The following LHFPL3 variants were observed in gnomAD, a reference collection of about 807,000 sequenced individuals.
LHFPL3 encodes the protein LHFPL tetraspan subfamily member 3.
In LHFPL3, 5 loss-of-function variants were observed where a neutral mutation model predicts 19.3. The ratio of observed to expected loss-of-function variants is 0.26; its 90% CI spans 0.14 to 0.54. The LOEUF (loss-of-function observed/expected upper bound fraction) is 0.54, where lower values mean the gene tolerates loss of function less well. LHFPL3 is among the 20% of genes least tolerant of loss of function. The pLI is 0.94. For missense variants in LHFPL3, 249 were observed against 307.4 expected, an observed-to-expected ratio of 0.81 and a Z score of 1.42; for synonymous variants, 133 against 126.2, an observed-to-expected ratio of 1.05 and a Z score of -0.36.
At chr7:104,389,112 A>C (rs546528818) in intron 1 of LHFPL3, among the ~76,000 whole-genome samples, 11 of 152,302 alleles carry the variant, frequency 7.2e-5, no homozygotes, top group Admixed American at 2.6e-4. Flanking sequence ...CCTTCCATAT[A>C]GAAAACCCTA....
intron 1 of LHFPL3, among the ~76,000 whole-genome samples, chr7:104,512,741 GAAAA>G (rs763632273): frequency 1.4e-5 from 2 of 143,046 alleles, no homozygotes; most frequent in Non-Finnish European, 3.1e-5. Flanking sequence ...CTTCTCAAAA[GAAAA>G]AAAAAAGAGA....
At chr7:104,650,605 C>T (rs996521147) in intron 1 of LHFPL3, among the ~76,000 whole-genome samples, 2 of 152,170 alleles carry the variant, frequency 1.3e-5, no homozygotes, top group East Asian at 3.8e-4. Context: ...TTTTATTACA[C>T]CTGAGTACTT....
At chr7:104,428,537 G>A (rs145934586) in intron 1 of LHFPL3, among the ~76,000 whole-genome samples, 2 of 152,168 alleles carry the variant, frequency 1.3e-5, no homozygotes, top group African/African-American at 2.4e-5. Context: ...TCTGCTTGAT[G>A]TTGAACCTAG....
rs1216933609 is a variant in LHFPL3, at chr7:104,861,277, GTTTGAGGCTTAGCTC to G, written c.683-44905_683-44891del. On this transcript the variant is annotated intron_variant, in intron 2 of 2. Coordinates refer to ENST00000424859, the MANE Select transcript of LHFPL3 (RefSeq NM_199000.3). Reference sequence around the variant, plus strand: ...GATAAAGGGCACAAGGCAGGTCTGGGTTTGAGGCTTAGCTCTTTGGCTTACAGTGTATATGACCTT... The same window carrying G: ...GATAAAGGGCACAAGGCAGGTCTGGGTTTGGCTTACAGTGTATATGACCTT... 8.5e-5 allele frequency among the ~76,000 whole-genome samples: 13 copies of G among 152,304 alleles called. No individual in the cohort carries two copies. The South Asian group carries it at 2.5e-3, about 29-fold the overall frequency.
intron 1 of LHFPL3, among the ~76,000 whole-genome samples, chr7:104,725,643 T>C (rs1295612987): frequency 1.3e-5 from 2 of 152,202 alleles, no homozygotes; most frequent in African/African-American, 4.8e-5. Flanking sequence ...TTAACAATCT[T>C]GTTATCACTA....
chr7:104,717,229 TATAAC>T (rs1793403772), intron 1 of LHFPL3, among the ~76,000 whole-genome samples: 1 of 152,078 alleles, frequency 6.6e-6, no homozygotes, highest in Non-Finnish European at 1.5e-5. Context: ...GGGAAAAACT[TATAAC>T]ATTAGTCTTG....
intron 1 of LHFPL3, among the ~76,000 whole-genome samples, chr7:104,428,708 T>C (rs892378893): frequency 1.3e-5 from 2 of 152,236 alleles, no homozygotes; most frequent in East Asian, 3.8e-4. Context: ...CTCTAGAAAC[T>C]ATTTTACTTT....
At chr7:104,838,887 C>T (rs868162160) in intron 2 of LHFPL3, among the ~76,000 whole-genome samples, 14 of 152,204 alleles carry the variant, frequency 9.2e-5, no homozygotes, top group African/African-American at 3.4e-4. Flanking sequence ...AATACCAGAA[C>T]TCATTTCATG....
intron 1 of LHFPL3, among the ~76,000 whole-genome samples, chr7:104,487,548 C>G (rs954568600): frequency 6.6e-6 from 1 of 152,196 alleles, no homozygotes; most frequent in African/African-American, 2.4e-5. Context: ...TGGGAGGAAG[C>G]TGGAGCACCC....
At chr7:104,487,000 G>T (rs2115677892) in intron 1 of LHFPL3, among the ~76,000 whole-genome samples, 1 of 151,938 alleles carries the variant, frequency 6.6e-6, no homozygotes, top group South Asian at 2.1e-4. Flanking sequence ...TTTTGGATAT[G>T]TTTCATTTCT....
At chr7:104,522,170 A>C (rs1162161811) in intron 1 of LHFPL3, among the ~76,000 whole-genome samples, 1 of 152,138 alleles carries the variant, frequency 6.6e-6, no homozygotes, top group Non-Finnish European at 1.5e-5. Context: ...GGATTAAGAA[A>C]ATGTGGCACA....
chr7:104,695,982 A>G (rs1176320940), intron 1 of LHFPL3, among the ~76,000 whole-genome samples: 1 of 151,984 alleles, frequency 6.6e-6, no homozygotes, highest in Non-Finnish European at 1.5e-5. Context: ...AAGGAGTCTC[A>G]CTCTGTTGCC....
intron 1 of LHFPL3, among the ~76,000 whole-genome samples, chr7:104,689,604 CT>C (rs1456669456): frequency 1.3e-5 from 2 of 152,166 alleles, no homozygotes; most frequent in African/African-American, 2.4e-5. Context: ...ACAATTTATA[CT>C]GTTAATCTTT....
intron 2 of LHFPL3, among the ~76,000 whole-genome samples, chr7:104,793,176 G>A (rs1790056600): frequency 6.6e-6 from 1 of 152,178 alleles, no homozygotes. Context: ...GATTACAGGC[G>A]TGAGCCACCG....
intron 1 of LHFPL3, among the ~76,000 whole-genome samples, chr7:104,483,995 A>G (rs1584351687): frequency 6.6e-6 from 1 of 152,240 alleles, no homozygotes; most frequent in Admixed American, 6.5e-5. Flanking sequence ...GTTGGTTTAC[A>G]TGGCAACTTT....
At chr7:104,471,783 T>G (rs1028214189) in intron 1 of LHFPL3, among the ~76,000 whole-genome samples, 1 of 152,256 alleles carries the variant, frequency 6.6e-6, no homozygotes. Flanking sequence ...GATTCATACT[T>G]TGAAATTGAA....
At chr7:104,383,483 G>T (rs543786769) in intron 1 of LHFPL3, among the ~76,000 whole-genome samples, 1 of 152,200 alleles carries the variant, frequency 6.6e-6, no homozygotes, top group Admixed American at 6.5e-5. Flanking sequence ...AAGATCTTCG[G>T]TTTAACAAGT....
chr7:104,392,539 C>G (rs1184319820), intron 1 of LHFPL3, among the ~76,000 whole-genome samples: 1 of 152,114 alleles, frequency 6.6e-6, no homozygotes, highest in African/African-American at 2.4e-5. Flanking sequence ...ATGAAGCCCA[C>G]TTGATCATGG....
intron 1 of LHFPL3, among the ~76,000 whole-genome samples, chr7:104,356,646 T>C (rs756313808): frequency 7.9e-5 from 12 of 152,182 alleles, no homozygotes; most frequent in Non-Finnish European, 1.5e-4. Flanking sequence ...GACTCCTATT[T>C]GCCTCCAGAC....
Sources: gnomAD v4.1 joint callset for allele counts (sites outside exome capture counted in the v4.1 genomes callset) on GRCh38, gnomAD v4.1.1 for gene constraint, MANE v1.5 for transcripts, NCBI Gene and HGNC (gene_info 2026-07-23, HGNC 2026-07-21) for gene names.